Variants in CSRP1 observed in about 807,000 individuals in gnomAD.
CSRP1 encodes cysteine and glycine rich protein 1, also known as cysteine and glycine-rich protein 1.
Under a neutral mutation model 25.4 loss-of-function variants are expected in CSRP1, and 16 were observed. The ratio of observed to expected loss-of-function variants is 0.63; its 90% CI spans 0.43 to 0.96. The LOEUF is 0.96. CSRP1 is among the 40% of genes least tolerant of loss of function. The probability of loss-of-function intolerance (pLI) is 0.00; values close to 1 mark genes in which losing one functional copy is unlikely to be tolerated. For synonymous variants in CSRP1, 97 were observed against 95.3 expected, an observed-to-expected ratio of 1.02 and a Z score of -0.10; for missense variants, 212 against 243.6, an observed-to-expected ratio of 0.87 and a Z score of 0.86.
intron 4 of CSRP1, chr1:201,488,508 C>T (rs688621): frequency 0.064 from 7,800 of 122,190 alleles, 689 homozygotes; most frequent in African/African-American, 0.19. Flanking sequence ...GACAGGTTCC[C>T]ATGAAACTTT....
At position 201,490,197 on chromosome 1, in the gene CSRP1, G is replaced by A. The variant is rs1316394144; in HGVS notation, c.260C>T (p.Ser87Leu). The A allele has an allele frequency of 2.5e-6, 4 of 1,613,834 alleles. No individual in the cohort carries two copies. Among genetic ancestry groups the A allele is most frequent in the Non-Finnish European group, 2.5e-6 (3 of 1,179,806 alleles). ...AGTLSTDKGESLGIKHEEAPG... is the reference protein window; with the variant it reads ...AGTLSTDKGELLGIKHEEAPG... The stretch of plus-strand genomic sequence containing the variant: ...TCACTCCTCGTGCTTGATACCCAGC[G>A]ACTCCCCCTTGTCAGTGCTGAGGGT... The change falls in exon 3 of 6, where the codon TCG becomes TTG. Residue 87 changes from serine to leucine, a missense_variant. Physicochemically the swap from Ser to Leu is moderately radical, Grantham distance 145 (BLOSUM62 -2). Transcript: ENST00000340006.
chr1:201,495,089 G>A (rs1664467525), intron 2 of CSRP1, among the ~76,000 whole-genome samples: 1 of 152,150 alleles, frequency 6.6e-6, no homozygotes, highest in South Asian at 2.1e-4. Context: ...CATCCATTCT[G>A]CCTACCATCA....
At chr1:201,495,491 T>A (rs546700234) in intron 2 of CSRP1, 54 of 152,356 alleles carry the variant, frequency 3.5e-4, no homozygotes, top group African/African-American at 1.3e-3. Context: ...TTCACCAAGT[T>A]GCCACATCCT....
At position 201,485,329 on chromosome 1, in the gene CSRP1, A is replaced by G. The variant is rs1223106381; in HGVS notation, c.459T>C (p.Leu153=). 1.2e-6 allele frequency: 2 copies of G among 1,614,148 alleles called. No individual in the cohort carries two copies. The highest frequency in any genetic ancestry group is 1.7e-5 in the Admixed American group (1 of 60,016). ...CCTTGTCTGCCAGGGTGGTTGACTC[A>G]AGGCCTTTGCCACACTTGGCACATC... ...CFRCAKCGKG[L]ESTTLADKDG... The change falls in exon 5 of 6, where the codon CTT becomes CTC. Residue 153 remains leucine, a synonymous_variant. Transcript: ENST00000340006.
chr1:201,502,062 A>G (rs1664688197), intron 1 of CSRP1, among the ~76,000 whole-genome samples: 1 of 152,208 alleles, frequency 6.6e-6, no homozygotes, highest in South Asian at 2.1e-4. Flanking sequence ...TGAAGGAACC[A>G]TCGCAGAGAT....
rs10676830 is a variant in CSRP1 at position 201,501,992 on chromosome 1, AAAATAAAT to A, written c.-2+5070_-2+5077del. On this transcript the variant is annotated intron_variant, in intron 1 of 5. Coordinates refer to ENST00000340006, the MANE Select transcript of CSRP1 (RefSeq NM_004078.3). ...GGGCAATAAAGCAATACTCAGTCTC[AAAATAAAT>A]AAATAAATAAATAAATAAATAAATA... 5.2e-3 allele frequency among the ~76,000 whole-genome samples: 749 copies of A among 144,508 alleles called. 3 individuals carry two copies. Among genetic ancestry groups the A allele is most frequent in the East Asian group, 0.01 (50 of 4,828 alleles). The allele number at this position is 144,508 out of a possible 152,430, so 94.8% of individuals were successfully genotyped here. A position where few individuals can be genotyped will look rare whatever the true frequency, so the allele number is the denominator to read the frequency against.
chr1:201,490,312 C>G lies in CSRP1; in HGVS notation c.145G>C (p.Val49Leu), dbSNP rs1441568644. 1 of 1,614,180 alleles carries G rather than the reference C, an allele frequency of 6.2e-7. No homozygotes were observed. The highest frequency in any genetic ancestry group is 8.5e-7 in the Non-Finnish European group (1 of 1,180,046). ...VCKKNLDSTTVAVHGEEIYCK... is the reference protein window; with the variant it reads ...VCKKNLDSTTLAVHGEEIYCK... ...TAAATCTCCTCACCATGCACGGCCA[C>G]AGTGGTACTGTCCAGATTCTTCTTG... Residue 49 changes from valine (V) to leucine (L), a missense_variant, in exon 3 of 6, where the codon GTG becomes CTG. Val to Leu is a conservative substitution (Grantham distance 32). Transcript: ENST00000340006.
chr1:201,502,192 A>T (rs1229413546), intron 1 of CSRP1, among the ~76,000 whole-genome samples: 1 of 152,078 alleles, frequency 6.6e-6, no homozygotes, highest in Non-Finnish European at 1.5e-5. Flanking sequence ...CCCATTCCAA[A>T]ATCATTTATT....
At chr1:201,500,801 T>C (rs1664649274) in intron 1 of CSRP1, among the ~76,000 whole-genome samples, 2 of 152,194 alleles carry the variant, frequency 1.3e-5, no homozygotes, top group African/African-American at 4.8e-5. Context: ...ATTCTGCCTG[T>C]AGGGAGGCCG....
At chr1:201,497,958 C>T (rs1664559777) in intron 1 of CSRP1, among the ~76,000 whole-genome samples, 2 of 151,392 alleles carry the variant, frequency 1.3e-5, no homozygotes, top group African/African-American at 2.4e-5. Flanking sequence ...TGCAGTGAGT[C>T]GAGATCGCGC....
At chr1:201,492,999 A>G (rs1293593614) in intron 2 of CSRP1, 1 of 152,432 alleles carries the variant, frequency 6.6e-6, no homozygotes, top group African/African-American at 2.4e-5. Flanking sequence ...ATCGGCCACC[A>G]TCACAGAGTT....
intron 2 of CSRP1, 76 bp downstream of exon 2, chr1:201,496,116 T>C: frequency 8.8e-7 from 1 of 1,130,598 alleles, no homozygotes. Context: ...CCTGGGGTGT[T>C]GACAGGCCCA....
chr1:201,489,838 C>G, intron 3 of CSRP1: 3 of 198,662 alleles, frequency 1.5e-5, no homozygotes, highest in Non-Finnish European at 3.1e-5. Flanking sequence ...CCACTGCACT[C>G]CAGCCTGGGT....
At chr1:201,489,086 C>T (rs12134525) in intron 3 of CSRP1, 102 bp from the exon 4 acceptor site, 88,535 of 1,476,176 alleles carry the variant, frequency 0.06, 2,968 homozygotes, top group Non-Finnish European at 0.066. Flanking sequence ...GCCAGAGCAG[C>T]GCGCAATTCT....
Position 201,494,838 on chromosome 1 carries a change from G to A in CSRP1, c.112+1354C>T, listed in dbSNP as rs1664457209. Among the ~76,000 whole-genome samples, 3 of 151,688 alleles carry A rather than the reference G, an allele frequency of 2.0e-5. No individual in the cohort carries two copies. The South Asian group carries it at 6.3e-4, about 32-fold the overall frequency. On this transcript the variant is annotated intron_variant, in intron 2 of 5. Coordinates refer to ENST00000340006, the MANE Select transcript of CSRP1 (RefSeq NM_004078.3). Reference sequence around the variant, plus strand: ...CCCTCAGCAGTGTGCGTGTGTGTGTGTGCGTGTGCACGTGTGTGCGCATGT... The same window carrying A: ...CCCTCAGCAGTGTGCGTGTGTGTGTATGCGTGTGCACGTGTGTGCGCATGT...
rs189011142 is a variant in CSRP1 at position 201,499,775 on chromosome 1, C to A, written c.-1-3471G>T. Among the ~76,000 whole-genome samples the A allele has an allele frequency of 5.1e-4, 78 of 152,286 alleles. No homozygotes were observed. In the East Asian group the frequency reaches 0.012, roughly 24 times the overall value. On this transcript the variant is annotated intron_variant, in intron 1 of 5. Transcript: ENST00000340006. ...GGATTATAGGCGCCCGCCACCACCA[C>A]CATACCCGGCTAATTTTTGTATTTT...
At chr1:201,498,339 G>T (rs1033674728) in intron 1 of CSRP1, among the ~76,000 whole-genome samples, 1 of 152,246 alleles carries the variant, frequency 6.6e-6, no homozygotes, top group African/African-American at 2.4e-5. Context: ...GTGGGTACAG[G>T]CTTGGTGCCG....
At chr1:201,496,133 G>A (rs943137983) in intron 2 of CSRP1, 59 bp downstream of exon 2, 3 of 1,339,376 alleles carry the variant, frequency 2.2e-6, no homozygotes, top group Non-Finnish European at 3.2e-6. Flanking sequence ...CCCAGCCTGT[G>A]GGGGCAGGCC....
chr1:201,496,114 G>A, intron 2 of CSRP1, 78 bp downstream of exon 2: 2 of 1,094,546 alleles, frequency 1.8e-6, no homozygotes. Flanking sequence ...TCCCTGGGGT[G>A]TTGACAGGCC....
Sources: gnomAD v4.1 joint callset for allele counts (sites outside exome capture counted in the v4.1 genomes callset) on GRCh38, gnomAD v4.1.1 for gene constraint, MANE v1.5 for transcripts, NCBI Gene and HGNC (gene_info 2026-07-23, HGNC 2026-07-21) for gene names.